The following RC3H2 variants were observed in gnomAD, a reference collection of about 807,000 sequenced individuals.
RC3H2 encodes ring finger and CCCH-type domains 2.
Under a neutral mutation model 133.3 loss-of-function variants are expected in RC3H2, and 31 were observed. That is an observed-to-expected ratio of 0.23 (90% CI 0.17 to 0.31). The LOEUF is 0.31. RC3H2 is among the 10% of genes least tolerant of loss of function. The pLI is 1.00. For synonymous variants in RC3H2, 517 were observed against 502.2 expected, an observed-to-expected ratio of 1.03 and a Z score of -0.40; for missense variants, 1,175 against 1,437.2, an observed-to-expected ratio of 0.82 and a Z score of 2.95.
chr9:122,902,852 A>G (rs1832708313), intron 1 of RC3H2, among the ~76,000 whole-genome samples: 1 of 151,620 alleles, frequency 6.6e-6, no homozygotes, highest in African/African-American at 2.4e-5. Context: ...CTGTCTCAAA[A>G]AAAAAAAAAA....
At chr9:122,870,769 A>G (rs981496014) in intron 9 of RC3H2, among the ~76,000 whole-genome samples, 5 of 152,128 alleles carry the variant, frequency 3.3e-5, no homozygotes, top group Admixed American at 2.0e-4. Context: ...ACTATCTACC[A>G]TTAATCCCTC....
chr9:122,885,867 TTTTTG>T lies in RC3H2; in HGVS notation c.584-2493_584-2489del, dbSNP rs201724448. 9.4e-3 allele frequency among the ~76,000 whole-genome samples: 1,428 copies of T among 152,108 alleles called. 26 individuals carry two copies. The highest frequency in any genetic ancestry group is 0.032 in the African/African-American group (1,337 of 41,500). On this transcript the variant is annotated intron_variant, in intron 4 of 20. Transcript: ENST00000357244. Reference sequence around the variant, plus strand: ...GTCTGGTTTCTTTCATTTAACGTGTTTTTTGTTTTGTTTTGTTTTGTTTGTTTTGT... The same window carrying T: ...GTCTGGTTTCTTTCATTTAACGTGTTTTTTGTTTTGTTTTGTTTGTTTTGT...
intron 18 of RC3H2, among the ~76,000 whole-genome samples, chr9:122,852,405 T>TG (rs1404726549): frequency 1.4e-4 from 19 of 132,096 alleles, no homozygotes; most frequent in South Asian, 4.9e-4. Flanking sequence ...GGGAGGGAGG[T>TG]GGGGGGGTCA....
intron 2 of RC3H2, among the ~76,000 whole-genome samples, chr9:122,893,752 T>C (rs547912248): frequency 4.6e-5 from 7 of 152,210 alleles, no homozygotes; most frequent in Admixed American, 1.3e-4. Flanking sequence ...TGTTTTTTTT[T>C]CCCCAAAGCA....
chr9:122,858,124 C>T (rs1369304637), intron 12 of RC3H2, 31 bp from the exon 13 acceptor site: 1 of 1,598,212 alleles, frequency 6.3e-7, no homozygotes, highest in Admixed American at 1.7e-5. Context: ...CAATCTTAAT[C>T]ATCTAGGGAG....
chr9:122,876,701 C>A (rs1831354827), intron 9 of RC3H2, among the ~76,000 whole-genome samples: 1 of 150,770 alleles, frequency 6.6e-6, no homozygotes, highest in African/African-American at 2.4e-5. Flanking sequence ...GGTGAGGTCT[C>A]AAAAATGAAA....
At chr9:122,878,927 T>G (rs1282808103) in intron 8 of RC3H2, among the ~76,000 whole-genome samples, 3 of 149,806 alleles carry the variant, frequency 2.0e-5, no homozygotes, top group Non-Finnish European at 3.0e-5. Flanking sequence ...TTTTGTATTT[T>G]TTTTTTTTTA....
intron 5 of RC3H2, among the ~76,000 whole-genome samples, chr9:122,881,457 C>CAAAA (rs11321863): frequency 1.2e-5 from 1 of 85,334 alleles, no homozygotes; most frequent in African/African-American, 4.1e-5. Flanking sequence ...GACTCCGTCT[C>CAAAA]AAAAAAAAAA....
intron 8 of RC3H2, among the ~76,000 whole-genome samples, chr9:122,879,402 A>AT (rs1161747011): frequency 6.6e-6 from 1 of 152,132 alleles, no homozygotes; most frequent in Non-Finnish European, 1.5e-5. Context: ...TAAAAAAAAA[A>AT]GAAAGAAAAT....
At chr9:122,880,155 C>A in intron 6 of RC3H2, 30 bp from the exon 7 acceptor site, 1 of 1,611,740 alleles carries the variant, frequency 6.2e-7, no homozygotes, top group East Asian at 2.2e-5. Context: ...ATGCTTTTTA[C>A]TTTGGTTCTT....
intron 2 of RC3H2, 150 bp downstream of exon 2, chr9:122,897,129 A>G: frequency 6.0e-6 from 4 of 666,162 alleles, no homozygotes; most frequent in Non-Finnish European, 1.0e-5. Context: ...AAATCTCACA[A>G]TGTTTTAAGG....
chr9:122,856,237 C>T (rs1221161091), intron 13 of RC3H2, among the ~76,000 whole-genome samples: 6 of 152,010 alleles, frequency 3.9e-5, no homozygotes, highest in Admixed American at 1.3e-4. Context: ...AGTCCATATC[C>T]TAAAGGAGTT....
chr9:122,888,933 C>T (rs1588105188), intron 4 of RC3H2, among the ~76,000 whole-genome samples: 1 of 152,114 alleles, frequency 6.6e-6, no homozygotes, highest in African/African-American at 2.4e-5. Flanking sequence ...CTTTGCATGC[C>T]CATGACTACT....
At chr9:122,885,537 T>C (rs942007076) in intron 4 of RC3H2, among the ~76,000 whole-genome samples, 1 of 152,232 alleles carries the variant, frequency 6.6e-6, no homozygotes, top group African/African-American at 2.4e-5. Flanking sequence ...AAATTGGAAC[T>C]ATAATGGCAA....
chr9:122,862,249 T>A (rs1054466649), intron 10 of RC3H2, among the ~76,000 whole-genome samples: 1 of 152,218 alleles, frequency 6.6e-6, no homozygotes, highest in Non-Finnish European at 1.5e-5. Context: ...AAGGTCAACA[T>A]TTATCACCTC....
intron 18 of RC3H2, among the ~76,000 whole-genome samples, chr9:122,852,241 T>G (rs1160529032): frequency 1.4e-5 from 2 of 140,166 alleles, no homozygotes; most frequent in African/African-American, 5.5e-5. Context: ...GTCTGAGAAG[T>G]GAGGAGACCC....
intron 8 of RC3H2, among the ~76,000 whole-genome samples, chr9:122,877,806 C>T (rs1341752485): frequency 1.3e-5 from 2 of 152,170 alleles, no homozygotes; most frequent in African/African-American, 4.8e-5. Context: ...TTATTCGAAA[C>T]TGGTTCAAAT....
At chr9:122,859,520 T>C (rs886630808) in intron 11 of RC3H2, among the ~76,000 whole-genome samples, 16 of 152,200 alleles carry the variant, frequency 1.1e-4, no homozygotes, top group Non-Finnish European at 2.4e-4. Context: ...AGGGCATCTA[T>C]TGCCACTGGT....
Position 122,855,349 on chromosome 9 carries a change from G to T in RC3H2, c.2650C>A (p.Gln884Lys). ...GGATCTTCTTCTTTTGTCCTTCTCT[G>T]GGTTTCAAATAAATGTACTCTTCTC... is the stretch of plus-strand genomic sequence containing the variant. ...VKRRVHLFET[Q>K]RRTKEEDPII... is the part of the protein sequence containing the mutation. The change falls in exon 15 of 21, where the codon CAG becomes AAG. Residue 884 changes from glutamine to lysine, a missense_variant. Coordinates refer to ENST00000357244, the MANE Select transcript of RC3H2 (RefSeq NM_001100588.3). 1 of 1,613,914 alleles carries T rather than the reference G, an allele frequency of 6.2e-7. No homozygotes were observed. The highest frequency in any genetic ancestry group is 8.5e-7 in the Non-Finnish European group (1 of 1,179,994).
Sources: gnomAD v4.1 joint callset for allele counts (sites outside exome capture counted in the v4.1 genomes callset) on GRCh38, gnomAD v4.1.1 for gene constraint, MANE v1.5 for transcripts, NCBI Gene and HGNC (gene_info 2026-07-23, HGNC 2026-07-21) for gene names.